FMO1: variants seen among roughly 807,000 people sequenced by gnomAD.
FMO1 encodes the protein flavin-containing monooxygenase 1.
Under a neutral mutation model 45.4 loss-of-function variants are expected in FMO1, and 36 were observed. The ratio of observed to expected loss-of-function variants is 0.79; its 90% CI spans 0.61 to 1.05. FMO1 has a LOEUF of 1.05. FMO1 is among the 50% of genes least tolerant of loss of function. The pLI is 0.00. For missense variants in FMO1, 615 were observed against 640.3 expected (o/e 0.96, Z 0.43); for synonymous variants, 228 against 227.2 (o/e 1.00, Z -0.03).
At chr1:171,260,386 C>T (rs1660325481) in intron 2 of FMO1, among the ~76,000 whole-genome samples, 1 of 151,908 alleles carries the variant, frequency 6.6e-6, no homozygotes, top group East Asian at 1.9e-4. Flanking sequence ...ACAATCCTGG[C>T]AGGAAAAGGG....
At chr1:171,258,348 A>G (rs12141555) in intron 2 of FMO1, 129 bp downstream of exon 2, 178,825 of 1,083,584 alleles carry the variant, frequency 0.17, 19,484 homozygotes, top group African/African-American at 0.5. Flanking sequence ...TGAACAGGGG[A>G]CCATGAGGAG....
chr1:171,275,640 TG>T, intron 4 of FMO1, 132 bp downstream of exon 4: 1 of 620,890 alleles, frequency 1.6e-6, no homozygotes, highest in Non-Finnish European at 2.6e-6. Flanking sequence ...AGGCTTTTTT[TG>T]TTTTGTTTTG....
At chr1:171,260,216 A>C (rs1163142122) in intron 2 of FMO1, among the ~76,000 whole-genome samples, 1 of 152,206 alleles carries the variant, frequency 6.6e-6, no homozygotes, top group African/African-American at 2.4e-5. Context: ...GTTTATACTC[A>C]GTTTTAAAAG....
chr1:171,278,546 C>G (rs1661207043), intron 4 of FMO1, among the ~76,000 whole-genome samples, 183 bp from the exon 5 acceptor site: 1 of 151,982 alleles, frequency 6.6e-6, no homozygotes, highest in Admixed American at 6.6e-5. Flanking sequence ...AGTAATAACC[C>G]CCCTTAAATA....
In FMO1 at chr1:171,285,866, C is replaced by A. The variant is rs1288641892; in HGVS notation, c.*322C>A. ...TCCCATATAAACTATTTTCACAGAT[C>A]TCAACTAAAACCCCTTACTTCACAA... is the stretch of plus-strand genomic sequence containing the variant. On this transcript the variant is annotated 3_prime_UTR_variant, in exon 9 of 9. Transcript: ENST00000617670. The A allele has an allele frequency of 4.9e-6, 1 of 204,104 alleles. No individual in the cohort carries two copies. Among genetic ancestry groups the A allele is most frequent in the Non-Finnish European group, 9.7e-6 (1 of 102,836 alleles). The allele number at this position is 204,104 out of a possible 1,614,324, so 12.6% of individuals were successfully genotyped here.
At chr1:171,278,299 CA>C (rs1249995804) in intron 4 of FMO1, among the ~76,000 whole-genome samples, 1 of 152,164 alleles carries the variant, frequency 6.6e-6, no homozygotes, top group African/African-American at 2.4e-5. Context: ...AAGCAGAGAT[CA>C]AAAAGTTTTC....
intron 3 of FMO1, chr1:171,271,642 C>T: frequency 4.2e-6 from 3 of 716,914 alleles, no homozygotes; most frequent in Non-Finnish European, 7.6e-6. Flanking sequence ...CCATCTGGCT[C>T]TCACTTGCCC....
chr1:171,251,553 T>C (rs1659891335), intron 1 of FMO1: 1 of 151,472 alleles, frequency 6.6e-6, no homozygotes, highest in Admixed American at 6.6e-5. Flanking sequence ...TCGCGTTTCC[T>C]TCACAGCATT....
chr1:171,263,292 G>T (rs1472326361), intron 2 of FMO1, among the ~76,000 whole-genome samples: 2 of 152,112 alleles, frequency 1.3e-5, no homozygotes. Context: ...TTCTCCTAGG[G>T]GCTATGTAAT....
At chr1:171,257,040 C>G (rs1215286219) in intron 1 of FMO1, among the ~76,000 whole-genome samples, 1 of 152,216 alleles carries the variant, frequency 6.6e-6, no homozygotes, top group African/African-American at 2.4e-5. Flanking sequence ...GTTTCAATAA[C>G]TTACAGCTAC....
intron 7 of FMO1, chr1:171,282,803 A>G: frequency 3.8e-6 from 1 of 266,264 alleles, no homozygotes; most frequent in Non-Finnish European, 7.0e-6. Flanking sequence ...TGACTAAAAC[A>G]AAATGACAGT....
intron 3 of FMO1, among the ~76,000 whole-genome samples, chr1:171,272,699 G>A (rs1417188377): frequency 6.6e-6 from 1 of 152,164 alleles, no homozygotes; most frequent in Non-Finnish European, 1.5e-5. Context: ...ACTTGCATGG[G>A]GCCTGTAGCC....
At chr1:171,284,573 A>G (rs989446005) in intron 8 of FMO1, among the ~76,000 whole-genome samples, 1 of 151,986 alleles carries the variant, frequency 6.6e-6, no homozygotes, top group Admixed American at 6.6e-5. Flanking sequence ...CCCCATCCCT[A>G]CAAAAAAAAT....
chr1:171,285,364 C>T lies in FMO1; in HGVS notation c.1419C>T (p.Phe473=). 6.2e-7 allele frequency: 1 copy of T among 1,614,016 alleles called. No individual in the cohort carries two copies. Among genetic ancestry groups the T allele is most frequent in the South Asian group, 1.1e-5 (1 of 91,072 alleles). Residue 473 remains phenylalanine, a synonymous_variant, in exon 9 of 9, where the codon TTC becomes TTT. Coordinates refer to ENST00000617670, the MANE Select transcript of FMO1 (RefSeq NM_001282693.2). The stretch of plus-strand genomic sequence containing the variant: ...TTGGCCCATGCTCACCATACCAGTT[C>T]CGCTTGACTGGCCCAGGAAAATGGG... ...VFFGPCSPYQ[F]RLTGPGKWEG...
intron 1 of FMO1, among the ~76,000 whole-genome samples, chr1:171,255,118 C>CTAT (rs1660094712): frequency 6.6e-6 from 1 of 152,184 alleles, no homozygotes; most frequent in Non-Finnish European, 1.5e-5. Context: ...TGTTATAGGG[C>CTAT]ATTTCGTTTC....
intron 8 of FMO1, among the ~76,000 whole-genome samples, chr1:171,284,599 A>C (rs1661537600): frequency 6.6e-6 from 1 of 151,960 alleles, no homozygotes; most frequent in Admixed American, 6.6e-5. Context: ...TTATTTAGGC[A>C]TGGTGGCTCA....
Position 171,275,407 on chromosome 1 carries a change from T to A in FMO1, c.383T>A (p.Val128Asp). 1 of 1,613,836 alleles carries A rather than the reference T, an allele frequency of 6.2e-7. No individual in the cohort carries two copies. The highest frequency in any genetic ancestry group is 8.5e-7 in the Non-Finnish European group (1 of 1,179,744). The change falls in exon 4 of 9, where the codon GTC (valine) becomes GAC (aspartate). Residue 128 changes from valine (V) to aspartate (D), a missense_variant. Transcript: ENST00000617670. Reference sequence around the variant, plus strand: ...GCTGTCTCTGGCCAATGGGAGGTGGTCACTATGCATGAAGAGAAGCAAGAG... The same window carrying A: ...GCTGTCTCTGGCCAATGGGAGGTGGACACTATGCATGAAGAGAAGCAAGAG... ...DSAVSGQWEVVTMHEEKQESA... is the reference protein window; with the variant it reads ...DSAVSGQWEVDTMHEEKQESA...
At chr1:171,277,957 T>C (rs1661178726) in intron 4 of FMO1, among the ~76,000 whole-genome samples, 1 of 152,230 alleles carries the variant, frequency 6.6e-6, no homozygotes, top group African/African-American at 2.4e-5. Flanking sequence ...CTTCTGATTA[T>C]GTAATGTTGT....
chr1:171,267,856 G>A (rs1558009979), intron 3 of FMO1, 125 bp downstream of exon 3: 2 of 657,288 alleles, frequency 3.0e-6, no homozygotes, highest in East Asian at 2.8e-5. Context: ...ACACCTGGCT[G>A]TATTTATTTT....
Sources: gnomAD v4.1 joint callset for allele counts (sites outside exome capture counted in the v4.1 genomes callset) on GRCh38, gnomAD v4.1.1 for gene constraint, MANE v1.5 for transcripts, NCBI Gene and HGNC (gene_info 2026-07-23, HGNC 2026-07-21) for gene names.